The following FAM114A2 variants were observed in gnomAD, a reference collection of about 807,000 sequenced individuals.
FAM114A2 encodes family with sequence similarity 114 member A2.
A neutral mutation model predicts 58.4 loss-of-function variants in FAM114A2; 53 were observed. That is an observed-to-expected ratio of 0.91 (90% CI 0.73 to 1.14). FAM114A2 has a LOEUF of 1.14. Among genes scored for constraint, FAM114A2 ranks in the 50% most tolerant of loss-of-function variants. The pLI is 0.00. For synonymous variants in FAM114A2, 228 were observed against 211.4 expected (o/e 1.08, Z -0.68); for missense variants, 601 against 581.1 (o/e 1.03, Z -0.35).
chr5:153,997,618 G>A (rs1036470084), intron 12 of FAM114A2, among the ~76,000 whole-genome samples, 185 bp downstream of exon 12: 3 of 152,152 alleles, frequency 2.0e-5, no homozygotes, highest in South Asian at 2.1e-4. Flanking sequence ...GGGATTGTAC[G>A]AGTTTTGGGG....
chr5:154,024,065 G>A (rs971475620), intron 8 of FAM114A2, among the ~76,000 whole-genome samples: 2 of 151,962 alleles, frequency 1.3e-5, no homozygotes. Context: ...AAGATTCAGG[G>A]GATATCAGAA....
chr5:154,034,046 T>C lies in FAM114A2; in HGVS notation c.311-163A>G, dbSNP rs191047471. On this transcript the variant is annotated intron_variant, in intron 3 of 13. Transcript: ENST00000351797. Reference sequence around the variant, plus strand: ...TTTCCTTAAAAAAATTGATTCATCATCACCAAAGAATAAGTTCACAGTAAT... The same window carrying C: ...TTTCCTTAAAAAAATTGATTCATCACCACCAAAGAATAAGTTCACAGTAAT... Among the ~76,000 whole-genome samples, 724 of 152,290 alleles carry C rather than the reference T, an allele frequency of 4.8e-3. 4 individuals are homozygous for C. The highest frequency in any genetic ancestry group is 0.017 in the African/African-American group (695 of 41,566).
chr5:154,003,278 A>C (rs1157713601), intron 9 of FAM114A2, among the ~76,000 whole-genome samples: 1 of 150,732 alleles, frequency 6.6e-6, no homozygotes, highest in Non-Finnish European at 1.5e-5. Flanking sequence ...TCCTGGGTCC[A>C]AGCGATTCTC....
intron 9 of FAM114A2, among the ~76,000 whole-genome samples, chr5:154,006,548 T>A (rs1770357836): frequency 6.6e-6 from 1 of 151,500 alleles, no homozygotes; most frequent in East Asian, 1.9e-4. Context: ...GGATGAGGAG[T>A]GTGACAGAAA....
chr5:154,005,120 A>T (rs901793250), intron 9 of FAM114A2, among the ~76,000 whole-genome samples: 1 of 152,210 alleles, frequency 6.6e-6, no homozygotes, highest in Non-Finnish European at 1.5e-5. Flanking sequence ...TATGTATTAT[A>T]GGATAGCTAG....
At chr5:154,026,322 T>G in intron 8 of FAM114A2, 77 bp downstream of exon 8, 1 of 1,108,586 alleles carries the variant, frequency 9.0e-7, no homozygotes, top group Non-Finnish European at 1.2e-6. Context: ...TAAGAGTAAA[T>G]AATTTATTTC....
intron 1 of FAM114A2, chr5:154,036,244 C>A (rs1447142300): frequency 2.0e-5 from 3 of 152,194 alleles, no homozygotes; most frequent in African/African-American, 7.2e-5. Flanking sequence ...ATTCCTACCT[C>A]AATTTTTCCA....
At chr5:154,004,918 A>G (rs1770253154) in intron 9 of FAM114A2, among the ~76,000 whole-genome samples, 1 of 152,170 alleles carries the variant, frequency 6.6e-6, no homozygotes, top group African/African-American at 2.4e-5. Context: ...ACATGATGTA[A>G]CAGGTCTCCA....
At chr5:154,020,174 T>C (rs1200446080) in intron 8 of FAM114A2, among the ~76,000 whole-genome samples, 1 of 152,090 alleles carries the variant, frequency 6.6e-6, no homozygotes, top group Non-Finnish European at 1.5e-5. Context: ...TTTATAGCAC[T>C]AAATGCCCAC....
At chr5:154,030,178 TA>T (rs1236888505) in intron 4 of FAM114A2, among the ~76,000 whole-genome samples, 1 of 152,186 alleles carries the variant, frequency 6.6e-6, no homozygotes, top group African/African-American at 2.4e-5. Flanking sequence ...TATAATTTGA[TA>T]AACCTGATTT....
intron 9 of FAM114A2, among the ~76,000 whole-genome samples, chr5:154,008,786 C>T (rs207466472): frequency 1.3e-5 from 2 of 152,100 alleles, no homozygotes; most frequent in African/African-American, 4.8e-5. Flanking sequence ...AAGGGATACT[C>T]AATCTATAGT....
In FAM114A2 at chr5:154,012,976, T is replaced by C. The variant is rs186287478; in HGVS notation, c.914-1656A>G. Among the ~76,000 whole-genome samples, 75 of 151,660 alleles carry C rather than the reference T, an allele frequency of 4.9e-4. 3 individuals carry two copies. The East Asian group carries it at 0.013, about 26-fold the overall frequency. ...TATATTTTAGAATGTTAATTATACA[T>C]TATTATGGTAGTACATATAATTTAT... On this transcript the variant is annotated intron_variant, in intron 8 of 13. Transcript: ENST00000351797.
chr5:154,003,177 GTATTT>G (rs1365228576), intron 9 of FAM114A2, among the ~76,000 whole-genome samples: 54 of 134,878 alleles, frequency 4.0e-4, no homozygotes, highest in Middle Eastern at 7.6e-3. Flanking sequence ...CTAATTGGTA[GTATTT>G]TTTTTTTTTT....
chr5:154,034,829 T>C lies in FAM114A2; in HGVS notation c.125A>G (p.Lys42Arg), dbSNP rs769048415. The C allele has an allele frequency of 5.6e-6, 9 of 1,613,924 alleles. No homozygotes were observed. Among genetic ancestry groups the C allele is most frequent in the Non-Finnish European group, 7.6e-6 (9 of 1,179,942 alleles). ...CCGAGTGGAAACTACAGGTTCTGAT[T>C]TACTCTCTGGTTTGGCACCTTGGTC... ...SVDQGAKPES[K>R]SEPVVSTRKR... The change falls in exon 2 of 14, where the codon AAA becomes AGA. Residue 42 changes from lysine to arginine, a missense_variant. Lys to Arg is a conservative substitution (Grantham distance 26, BLOSUM62 2). Coordinates refer to ENST00000351797, the MANE Select transcript of FAM114A2 (RefSeq NM_018691.4).
At position 153,997,810 on chromosome 5, in the gene FAM114A2, G is replaced by A; in HGVS notation, c.1322C>T (p.Thr441Ile). The A allele has an allele frequency of 6.4e-7, 1 of 1,567,226 alleles. No homozygotes were observed. The highest frequency in any genetic ancestry group is 8.8e-7 in the Non-Finnish European group (1 of 1,137,556). ...LSKEFTTCLT[T>I]AGVKEMADVL... ...AGAGGCATGGATTCTTACCCCAGCA[G>A]TTGTTAGGCAGGTAGTGAACTCTTT... is the stretch of plus-strand genomic sequence containing the variant. The change falls in exon 12 of 14, where the codon ACT (threonine) becomes ATT (isoleucine). Residue 441 changes from threonine (T) to isoleucine (I), a missense_variant. By Grantham distance (89) the Thr-to-Ile change is moderately conservative (BLOSUM62 -1). Coordinates refer to ENST00000351797, the MANE Select transcript of FAM114A2 (RefSeq NM_018691.4).
chr5:154,003,031 C>G, intron 9 of FAM114A2, 62 bp from the exon 10 acceptor site: 1 of 1,488,370 alleles, frequency 6.7e-7, no homozygotes, highest in East Asian at 2.3e-5. Context: ...TACTGTGCAC[C>G]TACCAGGAAC....
At chr5:154,033,723 C>T (rs777885544) in intron 4 of FAM114A2, 68 bp downstream of exon 4, 49 of 920,272 alleles carry the variant, frequency 5.3e-5, no homozygotes, top group Non-Finnish European at 8.4e-5. Flanking sequence ...TAAATACCTA[C>T]TGAAAAATTA....
Position 154,028,220 on chromosome 5 carries a change from C to A in FAM114A2, c.559G>T (p.Val187Leu). The A allele has an allele frequency of 6.2e-7, 1 of 1,611,342 alleles. No homozygotes were observed. The highest frequency in any genetic ancestry group is 8.5e-7 in the Non-Finnish European group (1 of 1,177,648). ...LEFIGKKTMD[V>L]IAEGDPGFKR... ...AATCCAGGATCCCCTTCTGCTATCA[C>A]ATCCATTGTCTTTTTTCCAATGAAT... The change falls in exon 6 of 14, where the codon GTG becomes TTG. Residue 187 changes from valine (V) to leucine (L), a missense_variant. Val to Leu is a conservative substitution (Grantham distance 32, BLOSUM62 1). Coordinates refer to ENST00000351797, the MANE Select transcript of FAM114A2 (RefSeq NM_018691.4).
intron 9 of FAM114A2, among the ~76,000 whole-genome samples, chr5:154,010,590 T>C (rs1581788315): frequency 2.6e-5 from 4 of 152,114 alleles, no homozygotes; most frequent in African/African-American, 4.8e-5. Flanking sequence ...TCAAGATTGG[T>C]AGAGGTGGGT....
Sources: allele counts gnomAD v4.1 joint callset (sites outside exome capture counted in the v4.1 genomes callset), GRCh38; gene constraint gnomAD v4.1.1; transcripts MANE v1.5; gene names NCBI Gene and HGNC (gene_info 2026-07-23, HGNC 2026-07-21).